The following BICC1 variants were observed in gnomAD, a reference collection of about 807,000 sequenced individuals.
BICC1 encodes the protein BicC family RNA binding protein 1, also known as protein bicaudal C homolog 1.
In BICC1, 43 loss-of-function variants were observed where a neutral mutation model predicts 111.0. The ratio of observed to expected loss-of-function variants is 0.39; its 90% confidence interval spans 0.30 to 0.50. The LOEUF is 0.50. BICC1 is among the 20% of genes least tolerant of loss of function. The probability of loss-of-function intolerance (pLI) is 0.88; values close to 1 mark genes in which losing one functional copy is unlikely to be tolerated. For missense variants in BICC1, 1,091 were observed against 1,203.2 expected, an observed-to-expected ratio of 0.91 and a Z score of 1.38; for synonymous variants, 467 against 434.4, an observed-to-expected ratio of 1.07 and a Z score of -0.93.
Position 58,669,844 on chromosome 10 carries a change from A to G in BICC1, c.238-32230A>G, listed in dbSNP as rs371850751. On this transcript the variant is annotated intron_variant, in intron 2 of 20. Transcript: ENST00000373886. ...TGTTTCACTCTTTTGCTGCAAAGTA[A>G]ATGTTTTGGGCTTTTGATAATGATT... Among the ~76,000 whole-genome samples, 8 of 152,140 alleles carry G rather than the reference A, an allele frequency of 5.3e-5. No homozygotes were observed. In the East Asian group the frequency reaches 1.3e-3, roughly 26 times the overall value.
Position 58,513,347 on chromosome 10 carries a change from G to T in BICC1, c.190+14G>T. 3 of 1,590,304 alleles carry T rather than the reference G, an allele frequency of 1.9e-6. No homozygotes were observed. The highest frequency in any genetic ancestry group is 8.6e-7 in the Non-Finnish European group (1 of 1,165,530). ...CCATGTTACAAGGTAGGCATCCCTC[G>T]TGTTCTCGGACTCTCCGACTGAGCC... On this transcript the variant is annotated intron_variant, in intron 1 of 20. Transcript: ENST00000373886.
intron 1 of BICC1, among the ~76,000 whole-genome samples, chr10:58,542,802 A>G (rs753244968): frequency 1.3e-5 from 2 of 152,156 alleles, no homozygotes; most frequent in African/African-American, 2.4e-5. Flanking sequence ...ATGTAACTCA[A>G]AACCACAAGA....
intron 3 of BICC1, among the ~76,000 whole-genome samples, chr10:58,778,939 A>G (rs920478348): frequency 2.0e-5 from 3 of 152,222 alleles, no homozygotes; most frequent in Non-Finnish European, 4.4e-5. Flanking sequence ...TGTAAAGTGC[A>G]CAGGCTTCTA....
At chr10:58,638,381 G>T (rs1838014010) in intron 2 of BICC1, among the ~76,000 whole-genome samples, 1 of 152,120 alleles carries the variant, frequency 6.6e-6, no homozygotes, top group African/African-American at 2.4e-5. Flanking sequence ...GGGGATAAGT[G>T]TATTCTTTTC....
At position 58,702,111 on chromosome 10, in the gene BICC1, C is replaced by T. The variant is rs748693601; in HGVS notation, c.275C>T (p.Ser92Leu). The change falls in exon 3 of 21, where the codon TCA becomes TTA. Residue 92 changes from serine to leucine, a missense_variant. This residue lies in a region of BICC1 where 843 missense variants were observed against 900.8 expected (regional missense o/e 0.94). Coordinates refer to ENST00000373886, the MANE Select transcript of BICC1 (RefSeq NM_001080512.3). Reference sequence around the variant, plus strand: ...ACAAATACGCAGATTGCTTGGCCATCAAAACTGAAGATCGGAGCCAAATCC... The same window carrying T: ...ACAAATACGCAGATTGCTTGGCCATTAAAACTGAAGATCGGAGCCAAATCC... Reference protein sequence around the residue: ...EETNTQIAWPSKLKIGAKSKK... With the variant: ...EETNTQIAWPLKLKIGAKSKK... The T allele has an allele frequency of 6.2e-7, 1 of 1,613,170 alleles. No homozygotes were observed. Among genetic ancestry groups the T allele is most frequent in the Admixed American group, 1.7e-5 (1 of 59,906 alleles).
intron 3 of BICC1, among the ~76,000 whole-genome samples, chr10:58,714,271 CT>C (rs1840667433): frequency 6.6e-6 from 1 of 152,140 alleles, no homozygotes; most frequent in Non-Finnish European, 1.5e-5. Context: ...CCTGGCTTCC[CT>C]TTTTGTAGCA....
chr10:58,565,447 G>A (rs1184047220), intron 1 of BICC1, among the ~76,000 whole-genome samples: 1 of 152,174 alleles, frequency 6.6e-6, no homozygotes, highest in Non-Finnish European at 1.5e-5. Flanking sequence ...CTGCCTCTGT[G>A]TAGCCTATTC....
At chr10:58,560,038 G>A (rs1843561414) in intron 1 of BICC1, among the ~76,000 whole-genome samples, 1 of 150,724 alleles carries the variant, frequency 6.6e-6, no homozygotes, top group Non-Finnish European at 1.5e-5. Context: ...TTTTTTTGCA[G>A]TGTCTTTGTC....
chr10:58,606,299 G>A (rs1292244807), intron 1 of BICC1, among the ~76,000 whole-genome samples: 1 of 151,962 alleles, frequency 6.6e-6, no homozygotes, highest in African/African-American at 2.4e-5. Context: ...CAAGTAGTAG[G>A]GAGGTAATTT....
At chr10:58,810,334 A>G (rs568942263) in intron 17 of BICC1, among the ~76,000 whole-genome samples, 2 of 152,324 alleles carry the variant, frequency 1.3e-5, no homozygotes, top group East Asian at 1.9e-4. Context: ...TTAGCAGCAC[A>G]TTCACATTGA....
intron 3 of BICC1, among the ~76,000 whole-genome samples, chr10:58,727,323 A>G (rs1841137482): frequency 6.6e-6 from 1 of 152,176 alleles, no homozygotes; most frequent in South Asian, 2.1e-4. Context: ...ACAATGGCTC[A>G]TGCCTATAGT....
chr10:58,745,456 C>T (rs1486034630), intron 3 of BICC1, among the ~76,000 whole-genome samples: 4 of 152,046 alleles, frequency 2.6e-5, no homozygotes, highest in Non-Finnish European at 5.9e-5. Context: ...TTAATACAGA[C>T]ACAAATTTAT....
chr10:58,765,903 G>A (rs888105063), intron 3 of BICC1, among the ~76,000 whole-genome samples: 3 of 152,184 alleles, frequency 2.0e-5, no homozygotes, highest in Non-Finnish European at 2.9e-5. Flanking sequence ...ACAGGGAGGG[G>A]TAGATTCGTT....
In BICC1 at chr10:58,693,364, G is replaced by C. The variant is rs527462290; in HGVS notation, c.238-8710G>C. ...ATAGCAGCATGATTTATAATCCTTT[G>C]GGTATATACCCAGTAATGGGATGGC... On this transcript the variant is annotated intron_variant, in intron 2 of 20. Coordinates refer to ENST00000373886, the MANE Select transcript of BICC1 (RefSeq NM_001080512.3). Among the ~76,000 whole-genome samples the C allele has an allele frequency of 4.2e-3, 632 of 152,206 alleles. 13 individuals are homozygous for C. The highest frequency in any genetic ancestry group is 0.014 in the African/African-American group (601 of 41,532).
intron 1 of BICC1, among the ~76,000 whole-genome samples, chr10:58,560,020 A>G (rs1212371177): frequency 6.7e-6 from 1 of 149,524 alleles, no homozygotes; most frequent in Non-Finnish European, 1.5e-5. Context: ...GGCTTGCAGT[A>G]TTCTTTTTTT....
chr10:58,801,249 A>G (rs1030854711), intron 14 of BICC1, among the ~76,000 whole-genome samples: 4 of 152,058 alleles, frequency 2.6e-5, no homozygotes, highest in African/African-American at 9.7e-5. Context: ...TCCCTTCCCC[A>G]TTTAATGAAT....
In BICC1 at chr10:58,686,981, G is replaced by T. The variant is rs182556489; in HGVS notation, c.238-15093G>T. Reference sequence around the variant, plus strand: ...TTTAGAATTTTCAGCTTTTCTGCTCGGGTTTCTCCCCATCTTTGTGGTTTT... The same window carrying T: ...TTTAGAATTTTCAGCTTTTCTGCTCTGGTTTCTCCCCATCTTTGTGGTTTT... On this transcript the variant is annotated intron_variant, in intron 2 of 20. Coordinates refer to ENST00000373886, the MANE Select transcript of BICC1 (RefSeq NM_001080512.3). Among the ~76,000 whole-genome samples, 1,293 of 152,206 alleles carry T rather than the reference G, an allele frequency of 8.5e-3. 18 individuals are homozygous for T. Among genetic ancestry groups the T allele is most frequent in the African/African-American group, 0.03 (1,230 of 41,528 alleles).
intron 3 of BICC1, among the ~76,000 whole-genome samples, chr10:58,713,295 T>C (rs1840636859): frequency 6.6e-6 from 1 of 152,214 alleles, no homozygotes; most frequent in Admixed American, 6.5e-5. Flanking sequence ...AGATGCTTTT[T>C]ATGTCCTCTT....
At chr10:58,629,628 C>G (rs1025163210) in intron 2 of BICC1, among the ~76,000 whole-genome samples, 6 of 152,114 alleles carry the variant, frequency 3.9e-5, no homozygotes, top group Admixed American at 6.6e-5. Context: ...TAAATAGATT[C>G]AGAATCACAC....
Sources: gnomAD v4.1 joint callset for allele counts (sites outside exome capture counted in the v4.1 genomes callset) on GRCh38, gnomAD v4.1.1 for gene constraint, gnomAD v4.1.1 regional missense constraint, MANE v1.5 for transcripts, NCBI Gene and HGNC (gene_info 2026-07-23, HGNC 2026-07-21) for gene names.